The following MAPK10 variants were observed in gnomAD, a reference collection of about 807,000 sequenced individuals.
The protein encoded by MAPK10 is JNK3 alpha protein kinase.
Under a neutral mutation model 59.3 loss-of-function variants are expected in MAPK10, and 25 were observed. The ratio of observed to expected loss-of-function variants is 0.42; its 90% CI spans 0.31 to 0.59. The LOEUF (loss-of-function observed/expected upper bound fraction) is 0.59, where lower values mean the gene tolerates loss of function less well. Among genes scored for constraint, MAPK10 ranks in the 20% least tolerant of loss-of-function variants. The pLI is 0.15. For missense variants in MAPK10, 351 were observed against 568.9 expected, an observed-to-expected ratio of 0.62 and a Z score of 3.90; for synonymous variants, 190 against 200.5, an observed-to-expected ratio of 0.95 and a Z score of 0.44.
intron 11 of MAPK10, among the ~76,000 whole-genome samples, chr4:86,061,687 A>G (rs2045789818): frequency 6.6e-6 from 1 of 152,068 alleles, no homozygotes; most frequent in East Asian, 1.9e-4. Flanking sequence ...TCACCTTATC[A>G]TAGTTTGTTC....
intron 1 of MAPK10, among the ~76,000 whole-genome samples, chr4:86,488,209 A>C (rs1249370161): frequency 2.0e-5 from 3 of 152,170 alleles, no homozygotes; most frequent in Non-Finnish European, 4.4e-5. Flanking sequence ...TAATCATCTC[A>C]TTAAGGCTCT....
At chr4:86,168,608 T>A (rs968648649) in intron 3 of MAPK10, among the ~76,000 whole-genome samples, 58 of 152,156 alleles carry the variant, frequency 3.8e-4, no homozygotes, top group Non-Finnish European at 6.5e-4. Context: ...CCTGCCTGCC[T>A]CTGTAGGCTC....
intron 1 of MAPK10, among the ~76,000 whole-genome samples, chr4:86,476,922 G>A (rs1323574536): frequency 6.6e-6 from 1 of 152,168 alleles, no homozygotes; most frequent in East Asian, 1.9e-4. Flanking sequence ...TTCCTCCTAA[G>A]CCATGTCTCA....
chr4:86,579,740 A>AT (rs1349338140), intron 1 of MAPK10, among the ~76,000 whole-genome samples: 6 of 152,134 alleles, frequency 3.9e-5, no homozygotes, highest in African/African-American at 7.2e-5. Context: ...TTACTGGACA[A>AT]TTTTTAAGTT....
chr4:86,413,244 C>T (rs1426719920), intron 1 of MAPK10, among the ~76,000 whole-genome samples: 2 of 152,166 alleles, frequency 1.3e-5, no homozygotes, highest in East Asian at 3.9e-4. Context: ...GACTGCAGAA[C>T]AGCAAATATT....
chr4:86,017,224 C>T lies in MAPK10; in HGVS notation c.*4G>A. The T allele has an allele frequency of 1.9e-6, 3 of 1,613,576 alleles. No individual in the cohort carries two copies. The highest frequency in any genetic ancestry group is 2.5e-6 in the Non-Finnish European group (3 of 1,179,852). On this transcript the variant is annotated 3_prime_UTR_variant, in exon 14 of 14. Coordinates refer to ENST00000641462, the MANE Select transcript of MAPK10 (RefSeq NM_138982.4). This position sits in a 1 kb window ranked among gnomAD's most constrained non-coding sequence, Gnocchi z 4.4. ...AACGCTGGGTTTCGCAGGCAGGCGGCTAGTCACCTGCAACAACCCAGGGGT... is the reference window on the plus strand; with the variant it reads ...AACGCTGGGTTTCGCAGGCAGGCGGTTAGTCACCTGCAACAACCCAGGGGT...
intron 3 of MAPK10, among the ~76,000 whole-genome samples, chr4:86,173,107 G>A (rs540054329): frequency 7.0e-4 from 105 of 150,742 alleles, no homozygotes; most frequent in African/African-American, 2.5e-3. Context: ...CACAGAATTA[G>A]AAAAAAAAAC....
At chr4:86,467,014 G>A (rs1425045211) in intron 1 of MAPK10, among the ~76,000 whole-genome samples, 1 of 152,202 alleles carries the variant, frequency 6.6e-6, no homozygotes, top group East Asian at 1.9e-4. Context: ...AAGATGATGT[G>A]GAACAGAGCC....
chr4:86,382,535 G>T (rs1740895102), intron 1 of MAPK10, among the ~76,000 whole-genome samples: 1 of 152,178 alleles, frequency 6.6e-6, no homozygotes, highest in Admixed American at 6.5e-5. Context: ...GATATGGGCT[G>T]TGACTGCTTG....
chr4:86,544,620 T>TA (rs957456235), intron 1 of MAPK10, among the ~76,000 whole-genome samples: 4 of 152,218 alleles, frequency 2.6e-5, no homozygotes, highest in Non-Finnish European at 4.4e-5. Flanking sequence ...ACAGAGAAAA[T>TA]AAAAAAACTA....
chr4:86,036,369 T>A (rs2040298983), intron 11 of MAPK10, among the ~76,000 whole-genome samples: 1 of 151,844 alleles, frequency 6.6e-6, no homozygotes, highest in Non-Finnish European at 1.5e-5. Flanking sequence ...ATAGAACAAT[T>A]GTGACACTAG....
rs1215370383 is a variant in MAPK10, at chr4:86,111,775, T to C, written c.237-4423A>G. Among the ~76,000 whole-genome samples, 3 of 152,298 alleles carry C rather than the reference T, an allele frequency of 2.0e-5. No individual in the cohort carries two copies. The East Asian group carries it at 5.8e-4, about 29-fold the overall frequency. ...GTTAGGAAGAGTCCCTCCTTTTCAA[T>C]TGTTTGGACTAGTTTCAGAAGAAAT... On this transcript the variant is annotated intron_variant, in intron 4 of 13. Transcript: ENST00000641462.
intron 13 of MAPK10, chr4:86,020,995 G>C (rs955521488): frequency 1.3e-5 from 2 of 152,210 alleles, no homozygotes; most frequent in African/African-American, 2.4e-5. Context: ...TGGTAGAGCC[G>C]AGTGGCCTGT....
intron 2 of MAPK10, among the ~76,000 whole-genome samples, chr4:86,212,928 C>T (rs1336793257): frequency 6.6e-6 from 1 of 152,114 alleles, no homozygotes; most frequent in African/African-American, 2.4e-5. Context: ...AAACAATATA[C>T]AATATTCTCA....
chr4:86,376,747 G>T (rs866404260), intron 1 of MAPK10, among the ~76,000 whole-genome samples: 27 of 152,222 alleles, frequency 1.8e-4, no homozygotes, highest in African/African-American at 6.3e-4. Flanking sequence ...AAGCTAAATC[G>T]AGTCTCTTAA....
chr4:86,415,761 T>C (rs1397950791), intron 1 of MAPK10, among the ~76,000 whole-genome samples: 1 of 152,164 alleles, frequency 6.6e-6, no homozygotes, highest in Non-Finnish European at 1.5e-5. Context: ...AAATTCAAAA[T>C]AATCTTGAAA....
chr4:86,589,389 TG>T (rs1421433485), intron 1 of MAPK10, among the ~76,000 whole-genome samples: 1 of 152,084 alleles, frequency 6.6e-6, no homozygotes, highest in Non-Finnish European at 1.5e-5. Flanking sequence ...TCTATCAAAA[TG>T]TAAAATGTGA....
At chr4:86,212,451 T>G (rs1468254347) in intron 2 of MAPK10, among the ~76,000 whole-genome samples, 1 of 151,942 alleles carries the variant, frequency 6.6e-6, no homozygotes, top group African/African-American at 2.4e-5. Flanking sequence ...GAGCCAGGAA[T>G]TCAAGGCTGC....
chr4:86,372,453 G>A (rs1175748559), intron 1 of MAPK10, among the ~76,000 whole-genome samples: 1 of 151,360 alleles, frequency 6.6e-6, no homozygotes. Flanking sequence ...GGAGGCGGAG[G>A]TTGCAGCGAG....
Sources: gnomAD v4.1 joint callset for allele counts (sites outside exome capture counted in the v4.1 genomes callset) on GRCh38, gnomAD v4.1.1 for gene constraint, Gnocchi (gnomAD v3.1) non-coding constraint, MANE v1.5 for transcripts, NCBI Gene and HGNC (gene_info 2026-07-23, HGNC 2026-07-21) for gene names.